DTWD2: variants seen among roughly 807,000 people sequenced by gnomAD.
DTWD2 encodes the protein DTW motif tRNA-uridine aminocarboxypropyltransferase 2.
A neutral mutation model predicts 31.8 loss-of-function variants in DTWD2; 39 were observed. That is an observed-to-expected ratio of 1.22 (90% CI 0.95 to 1.60). DTWD2 has a LOEUF of 1.60. Ranked by LOEUF, DTWD2 falls within the 40% of genes most tolerant of loss-of-function variation. The pLI, the probability that DTWD2 is intolerant of heterozygous loss-of-function variation, is 0.00. For missense variants in DTWD2, 515 were observed against 381.5 expected (o/e 1.35, Z -2.92); for synonymous variants, 180 against 142.8 (o/e 1.26, Z -1.86).
chr5:118,880,515 C>A (rs961265289), intron 4 of DTWD2, among the ~76,000 whole-genome samples: 4 of 152,052 alleles, frequency 2.6e-5, no homozygotes, highest in Non-Finnish European at 5.9e-5. Context: ...TACATCTCAG[C>A]TTTTTTCCAT....
At chr5:118,884,487 A>G (rs1467967974) in intron 4 of DTWD2, among the ~76,000 whole-genome samples, 1 of 152,226 alleles carries the variant, frequency 6.6e-6, no homozygotes, top group Non-Finnish European at 1.5e-5. Flanking sequence ...CGACACACTC[A>G]TACACAAAGT....
intron 1 of DTWD2, among the ~76,000 whole-genome samples, chr5:118,964,495 A>G (rs1299310640): frequency 6.6e-6 from 1 of 152,102 alleles, no homozygotes; most frequent in African/African-American, 2.4e-5. Flanking sequence ...GCCGAGCCGA[A>G]GCTGGACTGT....
intron 4 of DTWD2, among the ~76,000 whole-genome samples, chr5:118,926,156 C>T (rs1480741724): frequency 1.3e-5 from 2 of 152,098 alleles, no homozygotes; most frequent in Admixed American, 1.3e-4. Context: ...TCTAAGTGCC[C>T]ATCAACCAAT....
intron 4 of DTWD2, among the ~76,000 whole-genome samples, chr5:118,858,645 C>G (rs534178142): frequency 5.9e-5 from 9 of 152,200 alleles, no homozygotes; most frequent in Admixed American, 2.6e-4. Flanking sequence ...GTTCCTTGCT[C>G]TTTTTTTAAA....
chr5:118,963,934 G>A (rs1754765532), intron 1 of DTWD2, among the ~76,000 whole-genome samples: 2 of 152,254 alleles, frequency 1.3e-5, no homozygotes, highest in South Asian at 4.1e-4. Context: ...TGCAGGCCAG[G>A]TGCAGTGCTT....
chr5:118,845,144 TGGAAAA>T (rs1181991595), intron 5 of DTWD2, among the ~76,000 whole-genome samples: 2 of 151,174 alleles, frequency 1.3e-5, no homozygotes. Context: ...AAGACTCTGT[TGGAAAA>T]GAAAAAGAAA....
chr5:118,954,162 T>C (rs1034181191), intron 1 of DTWD2, among the ~76,000 whole-genome samples: 3 of 152,156 alleles, frequency 2.0e-5, no homozygotes, highest in Admixed American at 6.5e-5. Context: ...TCCCAGCTAC[T>C]TGGGAGGCTG....
chr5:118,957,922 A>G (rs927846286), intron 1 of DTWD2, among the ~76,000 whole-genome samples: 2 of 152,080 alleles, frequency 1.3e-5, no homozygotes, highest in Admixed American at 6.6e-5. Context: ...TCCTTTTTTG[A>G]TATCTAGTTT....
chr5:118,943,323 AG>A (rs1754248071), intron 2 of DTWD2, among the ~76,000 whole-genome samples: 1 of 152,136 alleles, frequency 6.6e-6, no homozygotes, highest in African/African-American at 2.4e-5. Flanking sequence ...AGACTGAGGC[AG>A]GTGGATCATG....
chr5:118,884,293 A>T (rs542771309), intron 4 of DTWD2, among the ~76,000 whole-genome samples: 1 of 152,202 alleles, frequency 6.6e-6, no homozygotes, highest in African/African-American at 2.4e-5. Context: ...CTTCACTCCC[A>T]TTGGCTACTT....
chr5:118,900,550 C>A (rs1753181741), intron 4 of DTWD2, among the ~76,000 whole-genome samples: 1 of 151,898 alleles, frequency 6.6e-6, no homozygotes, highest in Non-Finnish European at 1.5e-5. Flanking sequence ...TCCTGATATA[C>A]AAAAAAGATA....
chr5:118,841,071 A>G lies in DTWD2; in HGVS notation c.743T>C (p.Leu248Pro). 1 of 1,612,140 alleles carries G rather than the reference A, an allele frequency of 6.2e-7. No homozygotes were observed. Among genetic ancestry groups the G allele is most frequent in the Non-Finnish European group, 8.5e-7 (1 of 1,178,846 alleles). Residue 248 changes from leucine to proline, a missense_variant, in exon 6 of 6, where the codon CTT becomes CCT. Leu to Pro is a moderately conservative substitution (Grantham distance 98). Transcript: ENST00000510708. ...NYIQETLLRPLQALCSFQLQH... is the reference protein window; with the variant it reads ...NYIQETLLRPPQALCSFQLQH... ...AAGTTGAAAGGAGCATAAAGCTTGA[A>G]GAGGGCGAAGCAAAGTCTGTCAAGA...
intron 1 of DTWD2, among the ~76,000 whole-genome samples, chr5:118,951,496 G>A (rs1324170310): frequency 6.6e-6 from 1 of 152,154 alleles, no homozygotes; most frequent in Non-Finnish European, 1.5e-5. Context: ...CAGACCATTT[G>A]CCCATTTTAC....
intron 4 of DTWD2, among the ~76,000 whole-genome samples, chr5:118,888,225 T>C (rs1752908300): frequency 6.6e-6 from 1 of 152,220 alleles, no homozygotes; most frequent in Non-Finnish European, 1.5e-5. Context: ...TAACCCTTTG[T>C]AATCTCTACT....
At chr5:118,973,737 G>A (rs940902442) in intron 1 of DTWD2, 106 of 1,595,776 alleles carry the variant, frequency 6.6e-5, no homozygotes, top group Non-Finnish European at 8.5e-6. Context: ...TATCGCCAGA[G>A]TCCCTGAACT....
chr5:118,903,919 C>CAT (rs1169716433), intron 4 of DTWD2, among the ~76,000 whole-genome samples: 4 of 151,880 alleles, frequency 2.6e-5, no homozygotes, highest in Non-Finnish European at 5.9e-5. Flanking sequence ...GAGAATTTTA[C>CAT]ATATATATTA....
intron 1 of DTWD2, among the ~76,000 whole-genome samples, chr5:118,951,936 A>C (rs1399707230): frequency 6.6e-6 from 1 of 152,182 alleles, no homozygotes; most frequent in Non-Finnish European, 1.5e-5. Flanking sequence ...CTGTCTTCCC[A>C]AGTCTGTGAC....
At chr5:118,967,645 C>A (rs562923792) in intron 1 of DTWD2, among the ~76,000 whole-genome samples, 1 of 151,988 alleles carries the variant, frequency 6.6e-6, no homozygotes, top group Admixed American at 6.6e-5. Context: ...GGATTATAAT[C>A]CAGTAATAAA....
At chr5:118,959,373 T>C (rs967255429) in intron 1 of DTWD2, among the ~76,000 whole-genome samples, 1 of 151,864 alleles carries the variant, frequency 6.6e-6, no homozygotes, top group Non-Finnish European at 1.5e-5. Flanking sequence ...ATAAAAATAC[T>C]TAGGAATATA....
Sources: gnomAD v4.1 joint callset for allele counts (sites outside exome capture counted in the v4.1 genomes callset) on GRCh38, gnomAD v4.1.1 for gene constraint, MANE v1.5 for transcripts, NCBI Gene and HGNC (gene_info 2026-07-23, HGNC 2026-07-21) for gene names.